ZNF813: variants seen among roughly 807,000 people sequenced by gnomAD.
ZNF813 encodes the protein zinc finger protein 813.
Under a neutral mutation model 7.2 loss-of-function variants are expected in ZNF813, and 3 were observed. The ratio of observed to expected loss-of-function variants is 0.42; its 90% CI spans 0.19 to 1.08. The LOEUF (loss-of-function observed/expected upper bound fraction) is 1.08. ZNF813 is among the 50% of genes least tolerant of loss of function. The probability of loss-of-function intolerance (pLI) is 0.30; values close to 1 mark genes in which losing one functional copy is unlikely to be tolerated. For synonymous variants in ZNF813, 227 were observed against 256.3 expected, an observed-to-expected ratio of 0.89 and a Z score of 1.09; for missense variants, 714 against 753.3, an observed-to-expected ratio of 0.95 and a Z score of 0.61.
intron 1 of ZNF813, among the ~76,000 whole-genome samples, chr19:53,469,776 G>A (rs1872250225): frequency 6.7e-6 from 1 of 150,374 alleles, no homozygotes; most frequent in African/African-American, 2.4e-5. Flanking sequence ...GACACCTGGG[G>A]ATCTAGGCTG....
chr19:53,474,128 G>C (rs1186004202), intron 1 of ZNF813, among the ~76,000 whole-genome samples: 1 of 152,178 alleles, frequency 6.6e-6, no homozygotes, highest in African/African-American at 2.4e-5. Flanking sequence ...GAAGTCTTCA[G>C]TCACTTCTCA....
At chr19:53,488,957 TA>T (rs1350919687) in intron 3 of ZNF813, among the ~76,000 whole-genome samples, 4 of 152,170 alleles carry the variant, frequency 2.6e-5, no homozygotes, top group Non-Finnish European at 4.4e-5. Context: ...TGATTGTACA[TA>T]AAGCTTTTCG....
chr19:53,485,896 G>A (rs2086431600), intron 2 of ZNF813, among the ~76,000 whole-genome samples: 2 of 151,678 alleles, frequency 1.3e-5, no homozygotes, highest in South Asian at 4.2e-4. Flanking sequence ...GTTTTCGTTT[G>A]TTTGTTTGTT....
chr19:53,468,215 T>C (rs1287661822), intron 1 of ZNF813, among the ~76,000 whole-genome samples: 70 of 49,286 alleles, frequency 1.4e-3, no homozygotes, highest in African/African-American at 1.5e-3. Flanking sequence ...TAAGGCGCCC[T>C]CGCGCCCCCC....
Position 53,491,956 on chromosome 19 carries a change from G to T in ZNF813, c.1724G>T (p.Gly575Val). ...HLARHHRLHT[G>V]EKPYKCNECG... is the part of the protein sequence containing the mutation. ...GCACGTCACCATAGACTTCATACTG[G>T]AGAGAAACCTTACAAGTGTAATGAA... The change falls in exon 4 of 4, where the codon GGA becomes GTA. Residue 575 changes from glycine (G) to valine (V), a missense_variant. Gly to Val is a moderately radical substitution (Grantham distance 109). Transcript: ENST00000396403. 1 of 1,611,566 alleles carries T rather than the reference G, an allele frequency of 6.2e-7. No homozygotes were observed. The highest frequency in any genetic ancestry group is 8.5e-7 in the Non-Finnish European group (1 of 1,178,654).
chr19:53,477,945 A>G (rs2086389549), intron 1 of ZNF813, among the ~76,000 whole-genome samples: 3 of 152,198 alleles, frequency 2.0e-5, no homozygotes, highest in African/African-American at 7.2e-5. Context: ...TTTAAATTAT[A>G]CAGATGAGAT....
At chr19:53,485,800 C>G (rs1464751433) in intron 2 of ZNF813, among the ~76,000 whole-genome samples, 2 of 152,186 alleles carry the variant, frequency 1.3e-5, no homozygotes, top group African/African-American at 4.8e-5. Flanking sequence ...CCTCCACCCT[C>G]AGGCTCAAAC....
In ZNF813 at chr19:53,493,820, G is replaced by A. The variant is rs932745662; in HGVS notation, c.*1734G>A. On this transcript the variant is annotated 3_prime_UTR_variant, in exon 4 of 4. Transcript: ENST00000396403. Reference sequence around the variant, plus strand: ...TTCATTGCTCTGGCTAGGACAGCCAGTATTTATTGAATAGAAGGGGTGAGA... The same window carrying A: ...TTCATTGCTCTGGCTAGGACAGCCAATATTTATTGAATAGAAGGGGTGAGA... The A allele has an allele frequency of 1.3e-5, 2 of 152,244 alleles. No homozygotes were observed. The highest frequency in any genetic ancestry group is 4.8e-5 in the African/African-American group (2 of 41,452). The allele number at this position is 152,244 out of a possible 1,614,324, so 9.4% of individuals were successfully genotyped here. A position where few individuals can be genotyped will look rare whatever the true frequency, so the allele number is the denominator to read the frequency against.
chr19:53,469,249 G>T (rs2086344112), intron 1 of ZNF813, among the ~76,000 whole-genome samples: 1 of 152,176 alleles, frequency 6.6e-6, no homozygotes, highest in South Asian at 2.1e-4. Context: ...TCTTAGTACA[G>T]ATCAAAATGA....
rs2086474260 is a variant in ZNF813, at chr19:53,493,702, G to C, written c.*1616G>C. 1 of 152,172 alleles carries C rather than the reference G, an allele frequency of 6.6e-6. No individual in the cohort carries two copies. The highest frequency in any genetic ancestry group is 2.1e-4 in the South Asian group (1 of 4,830). 9.4% of individuals were successfully genotyped at this position (152,172 alleles called of 1,614,324 possible). A position where few individuals can be genotyped will look rare whatever the true frequency, so the allele number is the denominator to read the frequency against. ...CCAGTAGTATTTTGGTTGAGTCTTT[G>C]TGATTTTCTACACAGAAGATCATGT... is the stretch of plus-strand genomic sequence containing the variant. On this transcript the variant is annotated 3_prime_UTR_variant, in exon 4 of 4. Coordinates refer to ENST00000396403, the MANE Select transcript of ZNF813 (RefSeq NM_001004301.4).
At position 53,492,060 on chromosome 19, in the gene ZNF813, A is replaced by G; in HGVS notation, c.1828A>G (p.Asn610Asp). The change falls in exon 4 of 4, where the codon AAT becomes GAT. Residue 610 changes from asparagine to aspartate, a missense_variant. Transcript: ENST00000396403. ...LHTGEKPYKF[N>D]ECGKAFN ...TACTGGAGAGAAACCTTACAAGTTTAATGAGTGTGGCAAAGCTTTTAATTG... is the reference window on the plus strand; with the variant it reads ...TACTGGAGAGAAACCTTACAAGTTTGATGAGTGTGGCAAAGCTTTTAATTG... 6.2e-7 allele frequency: 1 copy of G among 1,613,600 alleles called. No homozygotes were observed. Among genetic ancestry groups the G allele is most frequent in the Non-Finnish European group, 8.5e-7 (1 of 1,179,784 alleles).
intron 1 of ZNF813, among the ~76,000 whole-genome samples, chr19:53,469,690 G>A (rs138373945): frequency 0.013 from 1,898 of 149,714 alleles, 24 homozygotes; most frequent in Middle Eastern, 0.037. Flanking sequence ...AGGGAGAGGA[G>A]GAGGGATTTG....
chr19:53,493,122 G>A lies in ZNF813; in HGVS notation c.*1036G>A. Reference sequence around the variant, plus strand: ...TTAAGAGGATTGGGCCAGGTACAGTGTCTCACACCTGTAATCCCAGCACTT... The same window carrying A: ...TTAAGAGGATTGGGCCAGGTACAGTATCTCACACCTGTAATCCCAGCACTT... On this transcript the variant is annotated 3_prime_UTR_variant, in exon 4 of 4. Coordinates refer to ENST00000396403, the MANE Select transcript of ZNF813 (RefSeq NM_001004301.4). The A allele has an allele frequency of 3.4e-6, 1 of 295,696 alleles. No homozygotes were observed. The highest frequency in any genetic ancestry group is 3.2e-5 in the South Asian group (1 of 31,202). 18.3% of individuals were successfully genotyped at this position (295,696 alleles called of 1,614,324 possible).
At chr19:53,485,587 T>TGTATTTCATGATATATAC (rs571848662) in intron 2 of ZNF813, among the ~76,000 whole-genome samples, 1 of 139,698 alleles carries the variant, frequency 7.2e-6, no homozygotes, top group Non-Finnish European at 1.6e-5. Context: ...TGTCATGACA[T>TGTATTTCATGATATATAC]ATGTATGTCA....
At chr19:53,478,470 C>G (rs190426011) in intron 1 of ZNF813, among the ~76,000 whole-genome samples, 118 of 152,282 alleles carry the variant, frequency 7.7e-4, no homozygotes, top group African/African-American at 2.8e-3. Context: ...CCGCACCTAG[C>G]CTACATAGTA....
In ZNF813 at chr19:53,472,616, T is replaced by C. The variant is rs940938498; in HGVS notation, c.-74+4827T>C. Reference sequence around the variant, plus strand: ...GATTATAAGTACAAGTCTTTCTTTTTTTTTTTTTTTTTTGAGATGGAGTTT... The same window carrying C: ...GATTATAAGTACAAGTCTTTCTTTTCTTTTTTTTTTTTTGAGATGGAGTTT... On this transcript the variant is annotated intron_variant, in intron 1 of 3. Transcript: ENST00000396403. Among the ~76,000 whole-genome samples the C allele has an allele frequency of 5.6e-4, 83 of 147,388 alleles. 4 individuals are homozygous for C. Among genetic ancestry groups the C allele is most frequent in the Middle Eastern group, 7.0e-3 (2 of 286 alleles).
At chr19:53,481,317 A>G (rs2147158402) in intron 1 of ZNF813, among the ~76,000 whole-genome samples, 1 of 148,786 alleles carries the variant, frequency 6.7e-6, no homozygotes, top group African/African-American at 2.5e-5. Context: ...CCAACATGGA[A>G]TGCTATTCTA....
Position 53,478,747 on chromosome 19 carries a change from C to T in ZNF813, c.-73-5003C>T, listed in dbSNP as rs181287162. Reference sequence around the variant, plus strand: ...GAGCCGAAATTGTGCCAGTGCACTGCAGTCTGGGTGGCAGAGCGAGTCTCC... The same window carrying T: ...GAGCCGAAATTGTGCCAGTGCACTGTAGTCTGGGTGGCAGAGCGAGTCTCC... On this transcript the variant is annotated intron_variant, in intron 1 of 3. Transcript: ENST00000396403. Among the ~76,000 whole-genome samples, 362 of 152,248 alleles carry T rather than the reference C, an allele frequency of 2.4e-3. 2 individuals carry two copies. The highest frequency in any genetic ancestry group is 8.5e-3 in the African/African-American group (351 of 41,532).
In ZNF813 at chr19:53,488,253, C is replaced by A. The variant is rs114903145; in HGVS notation, c.142+1495C>A. ...TGTCTGGCCGATCTCAAACTCCTGC[C>A]CTCAGGTGATCCATCAACCTCAGCC... On this transcript the variant is annotated intron_variant, in intron 3 of 3. Transcript: ENST00000396403. 389 of 455,612 alleles carry A rather than the reference C, an allele frequency of 8.5e-4. 2 individuals carry two copies. Among genetic ancestry groups the A allele is most frequent in the African/African-American group, 7.1e-3 (355 of 50,112 alleles). The allele number at this position is 455,612 out of a possible 1,614,324, so 28.2% of individuals were successfully genotyped here.
Sources: gnomAD v4.1 joint callset for allele counts (sites outside exome capture counted in the v4.1 genomes callset) on GRCh38, gnomAD v4.1.1 for gene constraint, MANE v1.5 for transcripts, NCBI Gene and HGNC (gene_info 2026-07-23, HGNC 2026-07-21) for gene names.